GCG: variants seen among roughly 807,000 people sequenced by gnomAD.
The protein encoded by GCG is pro-glucagon.
GCG carries 11 observed loss-of-function variants against 22.8 expected under a neutral mutation model. The observed-to-expected ratio is 0.48, with a 90% CI of 0.30 to 0.80. The LOEUF (loss-of-function observed/expected upper bound fraction) is 0.80, where lower values mean the gene tolerates loss of function less well. GCG is among the 30% of genes least tolerant of loss of function. The probability of loss-of-function intolerance (pLI) is 0.06; values close to 1 mark genes in which losing one functional copy is unlikely to be tolerated. For missense variants in GCG, 222 were observed against 222.0 expected, an observed-to-expected ratio of 1.00 and a Z score of 0.00; for synonymous variants, 89 against 72.4, an observed-to-expected ratio of 1.23 and a Z score of -1.16.
chr2:162,148,612 A>G (rs147789301), intron 2 of GCG, among the ~76,000 whole-genome samples: 2 of 152,098 alleles, frequency 1.3e-5, no homozygotes, highest in African/African-American at 4.8e-5. Context: ...TAATACACCA[A>G]ATTTGTTTAC....
intron 3 of GCG, among the ~76,000 whole-genome samples, chr2:162,146,566 CT>C (rs1686691039): frequency 7.4e-6 from 1 of 136,046 alleles, no homozygotes; most frequent in African/African-American, 3.6e-5. Context: ...CTCTCTCTCT[CT>C]CTCTCTCCTT....
chr2:162,144,283 C>G (rs995945138), intron 4 of GCG, 113 bp from the exon 5 acceptor site: 2 of 862,004 alleles, frequency 2.3e-6, no homozygotes, highest in Admixed American at 3.8e-5. Flanking sequence ...GTAAAGGATT[C>G]TGTTTTTAAA....
chr2:162,150,812 A>T (rs2106198615), intron 1 of GCG, among the ~76,000 whole-genome samples: 1 of 152,230 alleles, frequency 6.6e-6, no homozygotes, highest in East Asian at 1.9e-4. Flanking sequence ...AATATCTCCT[A>T]TTATGTTCCA....
At chr2:162,149,295 A>C in intron 1 of GCG, 108 bp from the exon 2 acceptor site, 1 of 653,508 alleles carries the variant, frequency 1.5e-6, no homozygotes, top group Non-Finnish European at 2.7e-6. Context: ...AAGTAGAAGG[A>C]AAAAGCTAGT....
chr2:162,151,442 A>G (rs1686835899), intron 1 of GCG, among the ~76,000 whole-genome samples: 1 of 152,152 alleles, frequency 6.6e-6, no homozygotes, highest in South Asian at 2.1e-4. Context: ...CCTAATCTAA[A>G]AAGACAAATT....
intron 3 of GCG, among the ~76,000 whole-genome samples, chr2:162,146,732 A>G (rs1576113256): frequency 6.6e-6 from 1 of 151,896 alleles, no homozygotes; most frequent in African/African-American, 2.4e-5. Context: ...TCTCTGTGAA[A>G]CCCTTGCGGA....
intron 3 of GCG, among the ~76,000 whole-genome samples, chr2:162,146,493 C>T (rs1177371569): frequency 6.6e-6 from 1 of 150,984 alleles, no homozygotes; most frequent in Non-Finnish European, 1.5e-5. Context: ...ACTTTAAGAA[C>T]CTTTGATTAG....
intron 1 of GCG, among the ~76,000 whole-genome samples, chr2:162,150,648 A>G (rs1686810675): frequency 6.6e-6 from 1 of 152,090 alleles, no homozygotes. Flanking sequence ...ATAACTCTCA[A>G]TTGTTATATC....
rs975014209 is a variant in GCG, at chr2:162,147,050, C to CA, written c.254+302dup. Among the ~76,000 whole-genome samples, 37 of 152,106 alleles carry CA rather than the reference C, an allele frequency of 2.4e-4. 1 individual carries two copies. Among genetic ancestry groups the CA allele is most frequent in the Middle Eastern group, 6.8e-3 (2 of 294 alleles). On this transcript the variant is annotated intron_variant, in intron 3 of 5. Coordinates refer to ENST00000418842, the MANE Select transcript of GCG (RefSeq NM_002054.5). ...TTAGATTGGTAACCTCGTAGGTCCA[C>CA]AAAAGTAAACTTTCACTTTAAGGGA...
intron 1 of GCG, among the ~76,000 whole-genome samples, chr2:162,150,494 CA>C (rs1686806930): frequency 2.0e-5 from 3 of 151,976 alleles, no homozygotes; most frequent in Admixed American, 2.0e-4. Context: ...GATGATTAGA[CA>C]AAGGAACATA....
In GCG at chr2:162,145,413, A is replaced by C. The variant is rs1453178794; in HGVS notation, c.392+127T>G. ...CTTTTATATACTGTTTTTCATCAAT[A>C]GGAATTATTTCCTTACTTTGCAAGA... is the stretch of plus-strand genomic sequence containing the variant. On this transcript the variant is annotated intron_variant, in intron 4 of 5. Coordinates refer to ENST00000418842, the MANE Select transcript of GCG (RefSeq NM_002054.5). 1.4e-5 allele frequency: 11 copies of C among 801,698 alleles called. 1 individual carries two copies. The Admixed American group carries it at 3.2e-4, about 23-fold the overall frequency. 49.7% of individuals were successfully genotyped at this position (801,698 alleles called of 1,614,324 possible).
rs749633305 is a variant in GCG, at chr2:162,149,067, C to T, written c.92+20G>A. 3.6e-5 allele frequency: 53 copies of T among 1,476,336 alleles called. No homozygotes were observed. Among genetic ancestry groups the T allele is most frequent in the East Asian group, 1.8e-4 (8 of 44,206 alleles). 91.5% of individuals were successfully genotyped at this position (1,476,336 alleles called of 1,614,324 possible). A position where few individuals can be genotyped will look rare whatever the true frequency, so the allele number is the denominator to read the frequency against. On this transcript the variant is annotated intron_variant, in intron 2 of 5. Coordinates refer to ENST00000418842, the MANE Select transcript of GCG (RefSeq NM_002054.5). The stretch of plus-strand genomic sequence containing the variant: ...TTCCAACCATATTGATATGTTAGTT[C>T]GAGACTACGGATTTAATACCTGGAT...
chr2:162,150,811 T>C (rs908100673), intron 1 of GCG, among the ~76,000 whole-genome samples: 3 of 152,112 alleles, frequency 2.0e-5, no homozygotes, highest in Non-Finnish European at 2.9e-5. Flanking sequence ...CAATATCTCC[T>C]ATTATGTTCC....
intron 4 of GCG, chr2:162,145,229 G>C (rs1313304347): frequency 1.8e-5 from 4 of 216,796 alleles, no homozygotes; most frequent in Non-Finnish European, 2.7e-5. Context: ...GTTTAAATTT[G>C]TCTCAGCGTA....
intron 2 of GCG, among the ~76,000 whole-genome samples, chr2:162,147,898 C>T (rs1686732835): frequency 6.6e-6 from 1 of 151,968 alleles, no homozygotes; most frequent in African/African-American, 2.4e-5. Flanking sequence ...ATTTAAGCTC[C>T]CAATTTTGTT....
rs79305438 is a variant in GCG at position 162,144,073 on chromosome 2, C to A, written c.490G>T (p.Ala164Ser). 4.3e-6 allele frequency: 7 copies of A among 1,612,896 alleles called. No homozygotes were observed. The highest frequency in any genetic ancestry group is 1.1e-5 in the South Asian group (1 of 91,070). ...ATCAACCAGTTTATAAAGTCCCTGGCGGCAAGATTATCAAGAATGGTGTTC... is the reference window on the plus strand; with the variant it reads ...ATCAACCAGTTTATAAAGTCCCTGGAGGCAAGATTATCAAGAATGGTGTTC... The part of the protein sequence containing the change: ...EMNTILDNLA[A>S]RDFINWLIQT... Residue 164 changes from alanine to serine, a missense_variant, in exon 5 of 6, where the codon GCC becomes TCC. Physicochemically the swap from Ala to Ser is moderately conservative, Grantham distance 99. Coordinates refer to ENST00000418842, the MANE Select transcript of GCG (RefSeq NM_002054.5).
intron 1 of GCG, among the ~76,000 whole-genome samples, chr2:162,150,422 A>C (rs1394750306): frequency 6.6e-6 from 1 of 152,156 alleles, no homozygotes; most frequent in Non-Finnish European, 1.5e-5. Flanking sequence ...AAACATAGAC[A>C]CTGTAATACC....
Position 162,143,267 on chromosome 2 carries a change from T to G in GCG, c.*97A>C. 1.9e-6 allele frequency: 1 copy of G among 538,528 alleles called. No homozygotes were observed. The highest frequency in any genetic ancestry group is 3.2e-6 in the Non-Finnish European group (1 of 316,214). 33.4% of individuals were successfully genotyped at this position (538,528 alleles called of 1,614,324 possible). A position where few individuals can be genotyped will look rare whatever the true frequency, so the allele number is the denominator to read the frequency against. On this transcript the variant is annotated 3_prime_UTR_variant, in exon 6 of 6. Coordinates refer to ENST00000418842, the MANE Select transcript of GCG (RefSeq NM_002054.5). ...TATTGGCATGCAAAGCAATGTGGCC[T>G]CAGAATACACCTCTTAAATTTACAG...
At chr2:162,145,797 A>G in intron 3 of GCG, 120 bp from the exon 4 acceptor site, 1 of 691,190 alleles carries the variant, frequency 1.4e-6, no homozygotes, top group Non-Finnish European at 2.4e-6. Context: ...GGAGTTTAGG[A>G]GATGAGGGTT....
Sources: gnomAD v4.1 joint callset for allele counts (sites outside exome capture counted in the v4.1 genomes callset) on GRCh38, gnomAD v4.1.1 for gene constraint, MANE v1.5 for transcripts, NCBI Gene and HGNC (gene_info 2026-07-23, HGNC 2026-07-21) for gene names.